The following NEK6 variants were observed in gnomAD, a reference collection of about 807,000 sequenced individuals.
NEK6 encodes serine/threonine-protein kinase Nek6.
In NEK6, 27 loss-of-function variants were observed where a neutral mutation model predicts 43.5. That is an observed-to-expected ratio of 0.62 (90% confidence interval 0.46 to 0.86). The LOEUF (loss-of-function observed/expected upper bound fraction) is 0.86. Among genes scored for constraint, NEK6 ranks in the 40% least tolerant of loss-of-function variants. The pLI, the probability that NEK6 is intolerant of heterozygous loss-of-function variation, is 0.00. For missense variants in NEK6, 318 were observed against 414.4 expected (o/e 0.77, Z 2.02); for synonymous variants, 167 against 164.1 (o/e 1.02, Z -0.14).
intron 8 of NEK6, among the ~76,000 whole-genome samples, chr9:124,346,465 C>T (rs1016291013): frequency 1.7e-4 from 26 of 152,308 alleles, no homozygotes; most frequent in African/African-American, 6.3e-4. Context: ...CCTCGGTAGG[C>T]GCCCAGGAGC....
In NEK6 at chr9:124,312,546, C is replaced by G; in HGVS notation, c.128C>G (p.Ala43Gly). Residue 43 changes from alanine (A) to glycine (G), a missense_variant, in exon 3 of 10, where the codon GCG becomes GGG. Physicochemically the swap from Ala to Gly is moderately conservative, Grantham distance 60. This residue lies in a region of NEK6 where 239 missense variants were observed against 344.4 expected (regional missense o/e 0.69). Coordinates refer to ENST00000320246, the MANE Select transcript of NEK6 (RefSeq NM_014397.6). ...ACGCTGTCTTTTCGCTGCTCGCTGG[C>G]GGACTTCCAGATCGAAAAGAAGATA... ...PNTLSFRCSL[A>G]DFQIEKKIGR... 8.7e-6 allele frequency: 14 copies of G among 1,614,060 alleles called. No homozygotes were observed. The highest frequency in any genetic ancestry group is 1.2e-5 in the Non-Finnish European group (14 of 1,179,970).
chr9:124,303,403 G>T (rs549714802), intron 2 of NEK6, among the ~76,000 whole-genome samples: 1 of 152,228 alleles, frequency 6.6e-6, no homozygotes, highest in Non-Finnish European at 1.5e-5. Context: ...CAGTTGTACA[G>T]GTTATGCACT....
chr9:124,270,714 G>A (rs993520273), intron 1 of NEK6, among the ~76,000 whole-genome samples: 2 of 152,210 alleles, frequency 1.3e-5, no homozygotes, highest in African/African-American at 4.8e-5. Context: ...TGCAGGTAAC[G>A]GGTGGCAGAG....
intron 5 of NEK6, 107 bp downstream of exon 5, chr9:124,321,676 C>T (rs945699428): frequency 2.7e-5 from 20 of 744,792 alleles, no homozygotes; most frequent in Middle Eastern, 7.2e-4. Flanking sequence ...TAGCCAGAGG[C>T]GGCCACCCGG....
chr9:124,292,302 C>A, intron 1 of NEK6: 2 of 1,382,152 alleles, frequency 1.4e-6, no homozygotes, highest in Non-Finnish European at 1.9e-6. Flanking sequence ...ACCTTTGCCA[C>A]TAGCCTGGGA....
intron 1 of NEK6, among the ~76,000 whole-genome samples, chr9:124,264,018 GACAGGAGCGGCTGTC>G (rs752629935): frequency 3.6e-4 from 55 of 152,332 alleles, no homozygotes; most frequent in South Asian, 1.0e-3. Context: ...GGACTGCGCT[GACAGGAGCGGCTGTC>G]ACAGGCCTGG....
At chr9:124,260,286 G>A (rs4424364) in intron 1 of NEK6, among the ~76,000 whole-genome samples, 11,179 of 152,172 alleles carry the variant, frequency 0.073, 635 homozygotes, top group East Asian at 0.25. Flanking sequence ...TCGTAGATAG[G>A]GTTTATTATC....
At chr9:124,312,036 GC>G (rs1833553676) in intron 2 of NEK6, among the ~76,000 whole-genome samples, 1 of 152,214 alleles carries the variant, frequency 6.6e-6, no homozygotes. Flanking sequence ...GGGAACGGCT[GC>G]CCCAGGAAGG....
At chr9:124,280,678 C>T (rs115276826) in intron 1 of NEK6, among the ~76,000 whole-genome samples, 8 of 152,338 alleles carry the variant, frequency 5.3e-5, no homozygotes, top group African/African-American at 1.9e-4. Context: ...GCATCTGGCA[C>T]CTCGCTCTGT....
At chr9:124,335,654 G>A (rs1046399105) in intron 7 of NEK6, among the ~76,000 whole-genome samples, 8 of 152,332 alleles carry the variant, frequency 5.3e-5, no homozygotes, top group Admixed American at 3.9e-4. Context: ...GTGAGCGGAC[G>A]CCCACAAGGC....
intron 1 of NEK6, among the ~76,000 whole-genome samples, chr9:124,290,515 CTG>C (rs1832370450): frequency 6.6e-6 from 1 of 152,274 alleles, no homozygotes; most frequent in African/African-American, 2.4e-5. Context: ...TGCTGTATGC[CTG>C]TGTCAGTCCC....
intron 4 of NEK6, among the ~76,000 whole-genome samples, chr9:124,319,025 C>A (rs932073748): frequency 6.6e-6 from 1 of 151,976 alleles, no homozygotes; most frequent in African/African-American, 2.4e-5. Flanking sequence ...CACTCTGTCA[C>A]CCAAACTGGA....
intron 1 of NEK6, among the ~76,000 whole-genome samples, chr9:124,264,554 C>T (rs1416537116): frequency 6.6e-6 from 1 of 152,156 alleles, no homozygotes; most frequent in African/African-American, 2.4e-5. Context: ...CCTATAATCC[C>T]AGCACTTTGA....
In NEK6 at chr9:124,351,885, T is replaced by TG. The variant is rs1830293260; in HGVS notation, c.*938_*939insG. The TG allele has an allele frequency of 1.3e-5, 2 of 152,452 alleles. No homozygotes were observed. The highest frequency in any genetic ancestry group is 4.1e-4 in the South Asian group (2 of 4,830). 9.4% of individuals were successfully genotyped at this position (152,452 alleles called of 1,614,324 possible). ...CTGACAGACAGAATTTGAAATAAAA[T>TG]ATGCAAGTTAGCTAATACAAAAAGT... On this transcript the variant is annotated 3_prime_UTR_variant, in exon 10 of 10. Coordinates refer to ENST00000320246, the MANE Select transcript of NEK6 (RefSeq NM_014397.6).
chr9:124,322,452 C>A (rs1011820080), intron 5 of NEK6, among the ~76,000 whole-genome samples: 3 of 152,204 alleles, frequency 2.0e-5, no homozygotes, highest in Admixed American at 6.5e-5. Context: ...CAGCCCAGTA[C>A]GCTCATGCGT....
chr9:124,330,607 A>T (rs1828930852), intron 7 of NEK6, among the ~76,000 whole-genome samples: 1 of 152,258 alleles, frequency 6.6e-6, no homozygotes. Context: ...ACTCGAGGTC[A>T]CGGCCCTGCT....
chr9:124,337,356 C>G (rs1022226482), intron 7 of NEK6, among the ~76,000 whole-genome samples: 1 of 152,236 alleles, frequency 6.6e-6, no homozygotes, highest in African/African-American at 2.4e-5. Flanking sequence ...TCCCTCTTGG[C>G]AGCAGAGCCC....
At chr9:124,281,458 A>G (rs906293251) in intron 1 of NEK6, among the ~76,000 whole-genome samples, 2 of 146,110 alleles carry the variant, frequency 1.4e-5, no homozygotes, top group African/African-American at 5.2e-5. Flanking sequence ...CTGGCTTGGC[A>G]TAGCTACTTT....
chr9:124,350,695 C>T lies in NEK6; in HGVS notation c.832-142C>T. The stretch of plus-strand genomic sequence containing the variant: ...GCACCCCTTACTTGCCCCAGCTAAA[C>T]ACCGTTCTTCAGCTCTAACGGGGAC... On this transcript the variant is annotated intron_variant, in intron 9 of 9. Transcript: ENST00000320246. The T allele has an allele frequency of 4.3e-6, 3 of 698,194 alleles. 1 individual carries two copies. In the South Asian group the frequency reaches 4.5e-5, roughly 10 times the overall value. 43.2% of individuals were successfully genotyped at this position (698,194 alleles called of 1,614,324 possible).
Sources: allele counts gnomAD v4.1 joint callset (sites outside exome capture counted in the v4.1 genomes callset), GRCh38; gene constraint gnomAD v4.1.1; regional missense constraint gnomAD v4.1.1; transcripts MANE v1.5; gene names NCBI Gene and HGNC (gene_info 2026-07-23, HGNC 2026-07-21).